OPHN1: variants seen among roughly 807,000 people sequenced by gnomAD.
OPHN1 encodes the protein oligophrenin 1.
In OPHN1, 11 loss-of-function variants were observed where a neutral mutation model predicts 60.7. That is an observed-to-expected ratio of 0.18 (90% CI 0.11 to 0.30). OPHN1 has a LOEUF of 0.30. OPHN1 is among the 10% of genes least tolerant of loss of function. OPHN1 has a pLI of 1.00. For synonymous variants in OPHN1, 226 were observed against 222.6 expected (o/e 1.02, Z -0.14); for missense variants, 449 against 611.0 (o/e 0.73, Z 2.80).
intron 18 of OPHN1, among the ~76,000 whole-genome samples, chrX:68,097,707 A>T (rs2077043042): frequency 9.0e-6 from 1 of 110,872 alleles, no homozygotes; most frequent in Admixed American, 9.6e-5. Context: ...AAAGTGACAA[A>T]TGAGGCCTTC....
At chrX:68,391,013 C>A (rs763736588) in intron 2 of OPHN1, among the ~76,000 whole-genome samples, 79 of 111,342 alleles carry the variant, frequency 7.1e-4, no homozygotes, top group African/African-American at 2.6e-3. Context: ...TACACATATT[C>A]CTGTATCCTA....
intron 15 of OPHN1, among the ~76,000 whole-genome samples, chrX:68,135,552 A>C (rs1462165016): frequency 8.9e-6 from 1 of 112,217 alleles, no homozygotes. Flanking sequence ...TGGCCTGAAT[A>C]CAGAAGAACA....
At chrX:68,202,667 T>C (rs1259461002) in intron 10 of OPHN1, among the ~76,000 whole-genome samples, 1 of 109,478 alleles carries the variant, frequency 9.1e-6, no homozygotes, top group African/African-American at 3.3e-5. Context: ...CGGCTAATTT[T>C]TGTATTTTTA....
chrX:68,127,302 A>C (rs986604796), intron 15 of OPHN1, among the ~76,000 whole-genome samples: 3 of 112,256 alleles, frequency 2.7e-5, no homozygotes, highest in African/African-American at 9.7e-5. Flanking sequence ...AATGTGATTA[A>C]AAGGTGGTTG....
chrX:68,091,164 C>T (rs1286438579), intron 19 of OPHN1, among the ~76,000 whole-genome samples: 2 of 111,395 alleles, frequency 1.8e-5, no homozygotes, highest in African/African-American at 6.5e-5. Flanking sequence ...CTCAATGCCT[C>T]CATTTCCTAT....
chrX:68,192,158 A>C (rs955968049), intron 15 of OPHN1, among the ~76,000 whole-genome samples: 13 of 111,984 alleles, frequency 1.2e-4, no homozygotes, highest in Admixed American at 1.0e-3. Flanking sequence ...AGGTGTAAAA[A>C]ACAGAAAGAT....
chrX:68,113,133 C>T (rs1167692927), intron 17 of OPHN1, 48 bp downstream of exon 17: 4 of 1,088,568 alleles, frequency 3.7e-6, no homozygotes, highest in Non-Finnish European at 5.1e-6. Context: ...TTGCAGTAAA[C>T]ATTAAGAAAC....
chrX:68,365,324 G>A (rs771206410), intron 2 of OPHN1, among the ~76,000 whole-genome samples: 10 of 110,671 alleles, frequency 9.0e-5, no homozygotes, highest in African/African-American at 2.6e-4. Flanking sequence ...GAGAAACCAC[G>A]TGAGCAAGGT....
chrX:68,420,014 C>T (rs1254670232), intron 2 of OPHN1, among the ~76,000 whole-genome samples: 1 of 111,447 alleles, frequency 9.0e-6, no homozygotes, highest in East Asian at 2.8e-4. Flanking sequence ...CTGTCTTCCT[C>T]AGCAGCCTTC....
At chrX:68,154,387 A>G in intron 15 of OPHN1, among the ~76,000 whole-genome samples, 1 of 112,583 alleles carries the variant, frequency 8.9e-6, no homozygotes, top group Non-Finnish European at 1.9e-5. Context: ...GCAGAATCCA[A>G]ATAAATATAT....
chrX:68,268,743 C>T (rs1242711123), intron 5 of OPHN1, among the ~76,000 whole-genome samples: 2 of 111,006 alleles, frequency 1.8e-5, no homozygotes, highest in Non-Finnish European at 3.8e-5. Context: ...CTGGCAAGGG[C>T]AATCAGGCAG....
intron 2 of OPHN1, among the ~76,000 whole-genome samples, chrX:68,410,867 C>A (rs1247384240): frequency 8.9e-6 from 1 of 111,766 alleles, no homozygotes; most frequent in Non-Finnish European, 1.9e-5. Flanking sequence ...AAAGTGGAAG[C>A]AACCTAAGTG....
chrX:68,333,681 A>G (rs1022808469), intron 2 of OPHN1, among the ~76,000 whole-genome samples: 1 of 110,101 alleles, frequency 9.1e-6, no homozygotes, highest in African/African-American at 3.3e-5. Flanking sequence ...GCACACACAC[A>G]CACACAGACA....
At chrX:68,147,790 A>G (rs959154162) in intron 15 of OPHN1, among the ~76,000 whole-genome samples, 2 of 111,941 alleles carry the variant, frequency 1.8e-5, no homozygotes, top group African/African-American at 6.5e-5. Flanking sequence ...ATGCGTGGAT[A>G]GTCAATGCCT....
chrX:68,110,776 G>T (rs1238573427), intron 18 of OPHN1, among the ~76,000 whole-genome samples: 1 of 112,318 alleles, frequency 8.9e-6, no homozygotes, highest in Non-Finnish European at 1.9e-5. Context: ...ATTCTCTCTT[G>T]TTAATTCTGC....
chrX:68,416,204 G>A, intron 2 of OPHN1, among the ~76,000 whole-genome samples: 1 of 105,807 alleles, frequency 9.5e-6, no homozygotes, highest in Non-Finnish European at 1.9e-5. Flanking sequence ...ACCATGCTTG[G>A]CTAATTTTTG....
At chrX:68,299,686 C>T (rs2078111222) in intron 2 of OPHN1, among the ~76,000 whole-genome samples, 1 of 111,966 alleles carries the variant, frequency 8.9e-6, no homozygotes, top group Non-Finnish European at 1.9e-5. Flanking sequence ...ATCAAGAGAC[C>T]TGACCTAAGA....
chrX:68,127,031 A>G (rs1282011816), intron 15 of OPHN1, among the ~76,000 whole-genome samples: 1 of 112,231 alleles, frequency 8.9e-6, no homozygotes, highest in African/African-American at 3.2e-5. Context: ...AAAAGAACAA[A>G]CTAAAAAGGT....
intron 15 of OPHN1, among the ~76,000 whole-genome samples, chrX:68,172,423 TAGAA>T (rs2077395812): frequency 9.0e-6 from 1 of 111,691 alleles, no homozygotes; most frequent in Admixed American, 9.6e-5. Context: ...TTTGTGGAGA[TAGAA>T]AGATAGGAAG....
Sources: allele counts gnomAD v4.1 joint callset (sites outside exome capture counted in the v4.1 genomes callset), GRCh38; gene constraint gnomAD v4.1.1; transcripts MANE v1.5; gene names NCBI Gene and HGNC (gene_info 2026-07-23, HGNC 2026-07-21).